CHSY3: variants seen among roughly 807,000 people sequenced by gnomAD.
CHSY3 encodes chondroitin sulfate synthase 3.
CHSY3 carries 35 observed loss-of-function variants against 67.2 expected under a neutral mutation model. That is an observed-to-expected ratio of 0.52 (90% CI 0.40 to 0.69). CHSY3 has a LOEUF of 0.69. CHSY3 is among the 30% of genes least tolerant of loss of function. The probability of loss-of-function intolerance (pLI) is 0.00; values close to 1 mark genes in which losing one functional copy is unlikely to be tolerated. For synonymous variants in CHSY3, 474 were observed against 434.7 expected (o/e 1.09, Z -1.12); for missense variants, 1,069 against 1,138.5 (o/e 0.94, Z 0.88).
chr5:129,977,565 A>G (rs752825735), intron 2 of CHSY3, among the ~76,000 whole-genome samples: 1 of 152,206 alleles, frequency 6.6e-6, no homozygotes, highest in Non-Finnish European at 1.5e-5. Flanking sequence ...AAATATGCTT[A>G]TGATTCATTA....
intron 2 of CHSY3, among the ~76,000 whole-genome samples, chr5:130,039,799 C>T (rs901904335): frequency 1.4e-4 from 21 of 151,998 alleles, no homozygotes; most frequent in Admixed American, 1.0e-3. Context: ...CCCTAAATAG[C>T]AGTTGTGGCA....
chr5:130,031,149 T>C (rs1426029886), intron 2 of CHSY3, among the ~76,000 whole-genome samples: 3 of 151,886 alleles, frequency 2.0e-5, no homozygotes, highest in Non-Finnish European at 4.4e-5. Flanking sequence ...ATTTCTAAGA[T>C]AAACAGTTAA....
intron 2 of CHSY3, among the ~76,000 whole-genome samples, chr5:130,014,273 C>T (rs1764148000): frequency 6.6e-6 from 1 of 152,208 alleles, no homozygotes; most frequent in Admixed American, 6.5e-5. Flanking sequence ...GTCACTTCCA[C>T]ATTTTCAGGT....
At chr5:130,045,398 G>C (rs1320620239) in intron 2 of CHSY3, among the ~76,000 whole-genome samples, 2 of 152,000 alleles carry the variant, frequency 1.3e-5, no homozygotes, top group Non-Finnish European at 2.9e-5. Context: ...CATAGACATG[G>C]GCTTCTGGCA....
At chr5:130,089,647 G>T (rs916576919) in intron 2 of CHSY3, among the ~76,000 whole-genome samples, 1 of 152,150 alleles carries the variant, frequency 6.6e-6, no homozygotes. Flanking sequence ...CATTGCCTGA[G>T]AAACATGATA....
At chr5:130,106,390 A>G (rs1159238767) in intron 2 of CHSY3, among the ~76,000 whole-genome samples, 1 of 151,652 alleles carries the variant, frequency 6.6e-6, no homozygotes, top group East Asian at 1.9e-4. Context: ...AGGAGAAGAA[A>G]ACACACTCAT....
chr5:129,931,829 C>T (rs1761319585), intron 2 of CHSY3, among the ~76,000 whole-genome samples: 1 of 151,904 alleles, frequency 6.6e-6, no homozygotes, highest in South Asian at 2.1e-4. Flanking sequence ...GAAAGTCCTC[C>T]CCATGGACTT....
rs1046895667 is a variant in CHSY3 at position 129,904,540 on chromosome 5, A to T, written c.-290A>T. On this transcript the variant is annotated 5_prime_UTR_variant, in exon 1 of 3. Coordinates refer to ENST00000305031, the MANE Select transcript of CHSY3 (RefSeq NM_175856.5). ...CTCCTCCTCCTCCTGCAGCTCCTCC[A>T]GCTGCCGCTGCTGCCGCCGCTGCCG... 1.3e-4 allele frequency: 43 copies of T among 331,766 alleles called. 1 individual carries two copies. The highest frequency in any genetic ancestry group is 2.0e-4 in the Non-Finnish European group (39 of 193,298). 20.6% of individuals were successfully genotyped at this position (331,766 alleles called of 1,614,324 possible). A position where few individuals can be genotyped will look rare whatever the true frequency, so the allele number is the denominator to read the frequency against.
chr5:130,026,935 G>A (rs1036175477), intron 2 of CHSY3, among the ~76,000 whole-genome samples: 5 of 152,028 alleles, frequency 3.3e-5, no homozygotes, highest in Non-Finnish European at 7.4e-5. Context: ...AAGTACATAG[G>A]TAAATCTAAT....
chr5:130,124,317 A>G lies in CHSY3; in HGVS notation c.1087-59912A>G, dbSNP rs554968146. Among the ~76,000 whole-genome samples, 479 of 152,144 alleles carry G rather than the reference A, an allele frequency of 3.1e-3. 5 individuals carry two copies. Among genetic ancestry groups the G allele is most frequent in the African/African-American group, 0.011 (456 of 41,452 alleles). On this transcript the variant is annotated intron_variant, in intron 2 of 2. Coordinates refer to ENST00000305031, the MANE Select transcript of CHSY3 (RefSeq NM_175856.5). ...CTTCCCTCTGTAATCTCTGCCCCTG[A>G]ATCTTCTTCAGCTATTCTTCTGAGA...
At position 129,905,752 on chromosome 5, in the gene CHSY3, A is replaced by G. The variant is rs916110905; in HGVS notation, c.802+121A>G. 4.6e-6 allele frequency: 7 copies of G among 1,511,958 alleles called. No homozygotes were observed. In the South Asian group the frequency reaches 7.8e-5, roughly 17 times the overall value. The allele number at this position is 1,511,958 out of a possible 1,614,324, so 93.7% of individuals were successfully genotyped here. ...CTGCCAGCACGTGCTTCGGGCTCCC[A>G]CAGGCCCTGGCCCGCCCTCCCCACC... On this transcript the variant is annotated intron_variant, in intron 1 of 2. Coordinates refer to ENST00000305031, the MANE Select transcript of CHSY3 (RefSeq NM_175856.5).
At chr5:130,152,533 GGTGA>G (rs1769260662) in intron 2 of CHSY3, among the ~76,000 whole-genome samples, 3 of 152,010 alleles carry the variant, frequency 2.0e-5, no homozygotes, top group Admixed American at 1.3e-4. Context: ...GTTTTGTGAG[GGTGA>G]GTAAGAGGGC....
intron 2 of CHSY3, among the ~76,000 whole-genome samples, chr5:130,028,853 C>A (rs1764629817): frequency 2.0e-5 from 3 of 151,818 alleles, no homozygotes; most frequent in Non-Finnish European, 4.4e-5. Flanking sequence ...CATTATCATT[C>A]TCTTGCTGCC....
At chr5:130,077,801 A>G (rs1001890469) in intron 2 of CHSY3, among the ~76,000 whole-genome samples, 5 of 151,546 alleles carry the variant, frequency 3.3e-5, no homozygotes, top group Admixed American at 1.3e-4. Flanking sequence ...ATATGTGTGT[A>G]TATATATATA....
At chr5:130,037,408 G>A (rs967034528) in intron 2 of CHSY3, among the ~76,000 whole-genome samples, 6 of 152,008 alleles carry the variant, frequency 3.9e-5, no homozygotes, top group African/African-American at 7.2e-5. Flanking sequence ...TAGAGTTGGC[G>A]AAATAAAAAG....
intron 2 of CHSY3, among the ~76,000 whole-genome samples, chr5:130,133,283 A>C (rs1331675876): frequency 6.6e-6 from 1 of 152,102 alleles, no homozygotes; most frequent in Non-Finnish European, 1.5e-5. Flanking sequence ...ATTACTTGTA[A>C]TGCATTTTTT....
At position 130,164,347 on chromosome 5, in the gene CHSY3, C is replaced by T. The variant is rs189557460; in HGVS notation, c.1087-19882C>T. Among the ~76,000 whole-genome samples, 6 of 151,782 alleles carry T rather than the reference C, an allele frequency of 4.0e-5. No individual in the cohort carries two copies. The East Asian group carries it at 7.7e-4, about 20-fold the overall frequency. ...GAAATAAAATTGATTGACTAGGACG[C>T]GGGAAGAGGAAGAAAGGAGGAGTCT... On this transcript the variant is annotated intron_variant, in intron 2 of 2. Coordinates refer to ENST00000305031, the MANE Select transcript of CHSY3 (RefSeq NM_175856.5).
chr5:130,095,331 G>A (rs1561534457), intron 2 of CHSY3, among the ~76,000 whole-genome samples: 1 of 152,150 alleles, frequency 6.6e-6, no homozygotes, highest in African/African-American at 2.4e-5. Flanking sequence ...TTGATTCCAG[G>A]GCTGGGGCAG....
chr5:130,040,281 T>C (rs1764971553), intron 2 of CHSY3, among the ~76,000 whole-genome samples: 1 of 152,064 alleles, frequency 6.6e-6, no homozygotes, highest in Non-Finnish European at 1.5e-5. Flanking sequence ...GTATTTAGAG[T>C]ACACCACGTG....
Sources: allele counts gnomAD v4.1 joint callset (sites outside exome capture counted in the v4.1 genomes callset), GRCh38; gene constraint gnomAD v4.1.1; transcripts MANE v1.5; gene names NCBI Gene and HGNC (gene_info 2026-07-23, HGNC 2026-07-21).